CFAP77: variants seen among roughly 807,000 people sequenced by gnomAD.
CFAP77 encodes cilia and flagella associated protein 77.
CFAP77 carries 25 observed loss-of-function variants against 31.1 expected under a neutral mutation model. The observed-to-expected ratio is 0.80, with a 90% CI of 0.59 to 1.12. The LOEUF (loss-of-function observed/expected upper bound fraction) is 1.12, where lower values mean the gene tolerates loss of function less well. CFAP77 is among the 50% of genes most tolerant of loss of function. The probability of loss-of-function intolerance (pLI) is 0.00; values close to 1 mark genes in which losing one functional copy is unlikely to be tolerated. For synonymous variants in CFAP77, 151 were observed against 159.9 expected (o/e 0.94, Z 0.42); for missense variants, 377 against 397.3 (o/e 0.95, Z 0.44).
intron 5 of CFAP77, among the ~76,000 whole-genome samples, chr9:132,571,331 C>G (rs1440980873): frequency 6.6e-6 from 1 of 152,198 alleles, no homozygotes; most frequent in Non-Finnish European, 1.5e-5. Flanking sequence ...CGCTACCCCC[C>G]TTTGCCCTGG....
intron 1 of CFAP77, among the ~76,000 whole-genome samples, chr9:132,416,600 C>T (rs369968077): frequency 6.5e-4 from 98 of 150,218 alleles, no homozygotes; most frequent in African/African-American, 2.3e-3. Context: ...GCCTCAGGCT[C>T]CCAAAGTGCT....
At chr9:132,555,011 TG>T (rs779948231) in intron 5 of CFAP77, among the ~76,000 whole-genome samples, 2 of 152,036 alleles carry the variant, frequency 1.3e-5, no homozygotes, top group Non-Finnish European at 2.9e-5. Context: ...TCCATCTGTT[TG>T]TTCATCCAAC....
intron 1 of CFAP77, among the ~76,000 whole-genome samples, chr9:132,491,086 G>T (rs974335068): frequency 6.6e-6 from 1 of 152,106 alleles, no homozygotes; most frequent in African/African-American, 2.4e-5. Flanking sequence ...GCCCTGAGCT[G>T]CTGGGACAGG....
intron 1 of CFAP77, among the ~76,000 whole-genome samples, chr9:132,448,752 A>G (rs1377305185): frequency 6.6e-6 from 1 of 151,966 alleles, no homozygotes; most frequent in Non-Finnish European, 1.5e-5. Context: ...ATATCCAGCT[A>G]ATTTTTGTAT....
rs560134026 is a variant in CFAP77, at chr9:132,567,827, G to A, written c.733-4561G>A. Among the ~76,000 whole-genome samples, 12 of 152,244 alleles carry A rather than the reference G, an allele frequency of 7.9e-5. 1 individual carries two copies. Among genetic ancestry groups the A allele is most frequent in the South Asian group, 6.2e-4 (3 of 4,814 alleles). ...TTGTGGCCACATCGCTCTCATCTCT[G>A]CCTCTGTCTTCACATGGCTGTCTCC... On this transcript the variant is annotated intron_variant, in intron 5 of 5. Transcript: ENST00000393216.
chr9:132,435,477 G>A (rs1156807788), intron 1 of CFAP77, among the ~76,000 whole-genome samples: 1 of 152,164 alleles, frequency 6.6e-6, no homozygotes, highest in Admixed American at 6.5e-5. Flanking sequence ...CGACACGCTA[G>A]GAAAAGACTG....
At chr9:132,556,033 G>C (rs1403093635) in intron 5 of CFAP77, among the ~76,000 whole-genome samples, 1 of 152,224 alleles carries the variant, frequency 6.6e-6, no homozygotes, top group East Asian at 1.9e-4. Flanking sequence ...ACCTGCCCCG[G>C]TGGGAGAACC....
At chr9:132,433,270 C>G (rs1850444367) in intron 1 of CFAP77, among the ~76,000 whole-genome samples, 1 of 152,268 alleles carries the variant, frequency 6.6e-6, no homozygotes, top group East Asian at 1.9e-4. Flanking sequence ...ATGGTAAGGG[C>G]CTGAGAAATG....
At chr9:132,435,227 G>T (rs1488310275) in intron 1 of CFAP77, among the ~76,000 whole-genome samples, 3 of 152,146 alleles carry the variant, frequency 2.0e-5, no homozygotes, top group Non-Finnish European at 2.9e-5. Flanking sequence ...CCCCGTGAAG[G>T]CTAATGAGAC....
At chr9:132,542,802 T>G in intron 4 of CFAP77, 144 bp from the exon 5 acceptor site, 1 of 454,876 alleles carries the variant, frequency 2.2e-6, no homozygotes, top group Non-Finnish European at 4.2e-6. Context: ...GAAACAGCCT[T>G]GGAGAAGGGC....
intron 1 of CFAP77, among the ~76,000 whole-genome samples, chr9:132,411,157 G>A (rs1849990702): frequency 6.6e-6 from 1 of 152,150 alleles, no homozygotes; most frequent in Admixed American, 6.5e-5. Flanking sequence ...CTGCTGTGGC[G>A]GCCACACCTT....
At chr9:132,557,993 G>A (rs1038765920) in intron 5 of CFAP77, among the ~76,000 whole-genome samples, 4 of 152,102 alleles carry the variant, frequency 2.6e-5, no homozygotes, top group African/African-American at 9.7e-5. Context: ...CCGTGCCCAC[G>A]GCAGACCTTA....
intron 3 of CFAP77, among the ~76,000 whole-genome samples, chr9:132,510,118 G>C (rs1457594950): frequency 6.6e-6 from 1 of 152,180 alleles, no homozygotes; most frequent in Non-Finnish European, 1.5e-5. Flanking sequence ...TAATGGATGG[G>C]GCCGCCACTC....
chr9:132,567,926 C>A (rs1489721356), intron 5 of CFAP77, among the ~76,000 whole-genome samples: 1 of 152,166 alleles, frequency 6.6e-6, no homozygotes, highest in Non-Finnish European at 1.5e-5. Context: ...AGGATGATTT[C>A]ATCTCGAGAT....
chr9:132,521,121 C>A lies in CFAP77; in HGVS notation c.525-16480C>A, dbSNP rs566049865. The stretch of plus-strand genomic sequence containing the variant: ...GAAGGGGTTGCTTCCATGGCGTCTG[C>A]CGGCCTGGCCGGGCTCTCTGTTCTC... On this transcript the variant is annotated intron_variant, in intron 3 of 5. Coordinates refer to ENST00000393216, the MANE Select transcript of CFAP77 (RefSeq NM_001282957.2). 3.2e-4 allele frequency among the ~76,000 whole-genome samples: 48 copies of A among 152,252 alleles called. No individual in the cohort carries two copies. In the South Asian group the frequency reaches 8.5e-3, roughly 27 times the overall value.
Position 132,498,652 on chromosome 9 carries a change from A to C in CFAP77, c.196-43A>C, listed in dbSNP as rs1851784481. 6.9e-7 allele frequency: 1 copy of C among 1,447,226 alleles called. No homozygotes were observed. Among genetic ancestry groups the C allele is most frequent in the Non-Finnish European group, 9.6e-7 (1 of 1,040,418 alleles). 89.6% of individuals were successfully genotyped at this position (1,447,226 alleles called of 1,614,324 possible). On this transcript the variant is annotated intron_variant, in intron 1 of 5. Coordinates refer to ENST00000393216, the MANE Select transcript of CFAP77 (RefSeq NM_001282957.2). This position sits in a 1 kb window ranked among gnomAD's most constrained non-coding sequence, Gnocchi z 4.2. ...GCCGGATTACAATACATTTGGTCTG[A>C]GACTCCACTCCTCACCTCTGCTCTC...
intron 1 of CFAP77, among the ~76,000 whole-genome samples, chr9:132,482,739 AT>A (rs144077144): frequency 7.9e-5 from 10 of 127,374 alleles, no homozygotes; most frequent in Non-Finnish European, 1.1e-4. Flanking sequence ...TTGGATTCTC[AT>A]TTTTTTTTTC....
chr9:132,539,271 G>A lies in CFAP77; in HGVS notation c.630+1565G>A, dbSNP rs546257202. On this transcript the variant is annotated intron_variant, in intron 4 of 5. Transcript: ENST00000393216. This position sits in a 1 kb window ranked among gnomAD's most constrained non-coding sequence, Gnocchi z 4.3. ...ATAGACTTCATCAAGGCGTGGCTCC[G>A]GCGTGGCTAGTTGTCATGACAATCA... is the stretch of plus-strand genomic sequence containing the variant. 8.5e-5 allele frequency among the ~76,000 whole-genome samples: 13 copies of A among 152,092 alleles called. No individual in the cohort carries two copies. Among genetic ancestry groups the A allele is most frequent in the Non-Finnish European group, 1.8e-4 (12 of 67,988 alleles).
intron 4 of CFAP77, among the ~76,000 whole-genome samples, chr9:132,540,433 C>A (rs902232883): frequency 6.6e-6 from 1 of 152,006 alleles, no homozygotes; most frequent in East Asian, 1.9e-4. Flanking sequence ...GCATTGGGTG[C>A]GGAAAGGGGT....
Sources: gnomAD v4.1 joint callset for allele counts (sites outside exome capture counted in the v4.1 genomes callset) on GRCh38, gnomAD v4.1.1 for gene constraint, Gnocchi (gnomAD v3.1) non-coding constraint, MANE v1.5 for transcripts, NCBI Gene and HGNC (gene_info 2026-07-23, HGNC 2026-07-21) for gene names.